Variants in SASS6 observed in about 807,000 individuals in gnomAD.
SASS6 encodes the protein spindle assembly abnormal protein 6 homolog.
Under a neutral mutation model 94.9 loss-of-function variants are expected in SASS6, and 59 were observed. The ratio of observed to expected loss-of-function variants is 0.62; its 90% CI spans 0.50 to 0.77. The LOEUF is 0.77. SASS6 is among the 30% of genes least tolerant of loss of function. The pLI is 0.00. For missense variants in SASS6, 698 were observed against 734.1 expected (o/e 0.95, Z 0.57); for synonymous variants, 264 against 270.0 (o/e 0.98, Z 0.22).
At chr1:100,086,661 C>CCA (rs1651300747) in intron 15 of SASS6, among the ~76,000 whole-genome samples, 1 of 151,798 alleles carries the variant, frequency 6.6e-6, no homozygotes, top group Admixed American at 6.6e-5. Context: ...CAAGCATGTA[C>CCA]CACCATGTCT....
Position 100,108,325 on chromosome 1 carries a change from G to C in SASS6, c.862-321C>G, listed in dbSNP as rs189481597. Among the ~76,000 whole-genome samples, 1,269 of 152,044 alleles carry C rather than the reference G, an allele frequency of 8.3e-3. 11 individuals carry two copies. The highest frequency in any genetic ancestry group is 0.013 in the Non-Finnish European group (903 of 67,916). ...CACAACTGATTCCAAGGGTAACCAC[G>C]GGTGAGAGCCGCCACAATGTAGACT... is the stretch of plus-strand genomic sequence containing the variant. On this transcript the variant is annotated intron_variant, in intron 8 of 16. Transcript: ENST00000287482.
At chr1:100,094,708 A>T (rs114469102) in intron 14 of SASS6, among the ~76,000 whole-genome samples, 6,716 of 152,100 alleles carry the variant, frequency 0.044, 174 homozygotes, top group African/African-American at 0.06. Flanking sequence ...CTCTATTAAA[A>T]ATACAAAAAT....
chr1:100,098,068 C>T (rs2101650309), intron 14 of SASS6, among the ~76,000 whole-genome samples: 1 of 152,176 alleles, frequency 6.6e-6, no homozygotes, highest in South Asian at 2.1e-4. Context: ...TTGAACTAAT[C>T]TTAAAGTGGA....
At chr1:100,100,654 CCA>C (rs1288881471) in intron 14 of SASS6, among the ~76,000 whole-genome samples, 6 of 152,070 alleles carry the variant, frequency 3.9e-5, no homozygotes, top group Non-Finnish European at 7.4e-5. Flanking sequence ...TTTTACATTC[CCA>C]CAGTTAAACA....
chr1:100,132,906 A>T lies in SASS6; in HGVS notation c.-92T>A. Reference sequence around the variant, plus strand: ...GAGGTCCGGGTCCTGATAAAGTTTGAGTTTGGCGCTCGGCTTCTGCGGAGG... The same window carrying T: ...GAGGTCCGGGTCCTGATAAAGTTTGTGTTTGGCGCTCGGCTTCTGCGGAGG... On this transcript the variant is annotated 5_prime_UTR_variant, in exon 1 of 17. Transcript: ENST00000287482. The T allele has an allele frequency of 1.6e-6, 2 of 1,274,384 alleles. No individual in the cohort carries two copies. Among genetic ancestry groups the T allele is most frequent in the Non-Finnish European group, 1.1e-6 (1 of 886,218 alleles). 78.9% of individuals were successfully genotyped at this position (1,274,384 alleles called of 1,614,324 possible).
rs1217323498 is a variant in SASS6 at position 100,103,006 on chromosome 1, G to GA, written c.1622dup (p.His543SerfsTer20). Reference sequence around the variant, plus strand: ...TATTTTTGGCAGATATCGAATGAGGGAAGGTATTCTGGAATGCAAATGCAG... The same window carrying GA: ...TATTTTTGGCAGATATCGAATGAGGGAAAGGTATTCTGGAATGCAAATGCAG... On this transcript the variant is annotated frameshift_variant, in exon 14 of 17. Transcript: ENST00000287482. LOFTEE classifies it high-confidence loss of function. The GA allele has an allele frequency of 6.2e-7, 1 of 1,610,920 alleles. No individual in the cohort carries two copies. Among genetic ancestry groups the GA allele is most frequent in the Non-Finnish European group, 8.5e-7 (1 of 1,177,190 alleles).
intron 1 of SASS6, among the ~76,000 whole-genome samples, chr1:100,128,069 C>G (rs1375442156): frequency 2.6e-5 from 4 of 151,894 alleles, no homozygotes; most frequent in African/African-American, 4.8e-5. Context: ...CAGAGTTTCG[C>G]TCTGTCACCC....
chr1:100,112,967 T>G (rs1031331813), intron 7 of SASS6, among the ~76,000 whole-genome samples: 2 of 152,160 alleles, frequency 1.3e-5, no homozygotes, highest in African/African-American at 4.8e-5. Context: ...GTTGACCTGG[T>G]TTTAAAGTCC....
intron 7 of SASS6, among the ~76,000 whole-genome samples, chr1:100,112,839 C>T (rs568338964): frequency 7.0e-4 from 107 of 152,292 alleles, no homozygotes; most frequent in Middle Eastern, 3.4e-3. Flanking sequence ...ACTCCACCCC[C>T]GACTAACTGT....
intron 6 of SASS6, among the ~76,000 whole-genome samples, chr1:100,120,096 A>G (rs903114543): frequency 6.6e-6 from 1 of 152,250 alleles, no homozygotes; most frequent in Non-Finnish European, 1.5e-5. Context: ...AATGAGGCGA[A>G]CAAGTGGGGA....
intron 7 of SASS6, 142 bp downstream of exon 7, chr1:100,118,876 T>C (rs1157022088): frequency 2.2e-6 from 1 of 458,594 alleles, no homozygotes; most frequent in Non-Finnish European, 3.6e-6. Context: ...TAGTAAGACT[T>C]TGAAAGAGAG....
chr1:100,105,523 T>A (rs2101660225), intron 13 of SASS6, among the ~76,000 whole-genome samples: 1 of 150,988 alleles, frequency 6.6e-6, no homozygotes, highest in East Asian at 1.9e-4. Flanking sequence ...CGAGACTCCA[T>A]CTCAAAAAAA....
At position 100,088,161 on chromosome 1, in the gene SASS6, G is replaced by T; in HGVS notation, c.1750C>A (p.Pro584Thr). Residue 584 changes from proline to threonine, a missense_variant, in exon 15 of 17, where the codon CCT (proline) becomes ACT (threonine). Pro to Thr is a conservative substitution (Grantham distance 38). Coordinates refer to ENST00000287482, the MANE Select transcript of SASS6 (RefSeq NM_194292.3). ...TACTTTTCCTTATCAGTTGAGCAAGGCATACTAATAGTTGCTCCTGACTGA... is the reference window on the plus strand; with the variant it reads ...TACTTTTCCTTATCAGTTGAGCAAGTCATACTAATAGTTGCTCCTGACTGA... Reference protein sequence around the residue: ...DVQSGATISMPCSTDKENGEN... With the variant: ...DVQSGATISMTCSTDKENGEN... 2 of 1,591,438 alleles carry T rather than the reference G, an allele frequency of 1.3e-6. No individual in the cohort carries two copies. Among genetic ancestry groups the T allele is most frequent in the Non-Finnish European group, 1.7e-6 (2 of 1,159,966 alleles).
chr1:100,114,639 G>A (rs990992463), intron 7 of SASS6, among the ~76,000 whole-genome samples: 2 of 152,150 alleles, frequency 1.3e-5, no homozygotes, highest in African/African-American at 4.8e-5. Context: ...GGTCACTTGA[G>A]CCCGGAAGGC....
Position 100,121,550 on chromosome 1 carries a change from C to T in SASS6, c.312-1G>A, listed in dbSNP as rs1175715319. The T allele has an allele frequency of 6.4e-7, 1 of 1,551,466 alleles. No homozygotes were observed. The highest frequency in any genetic ancestry group is 8.8e-7 in the Non-Finnish European group (1 of 1,134,688). The stretch of plus-strand genomic sequence containing the variant: ...TGGAGAAACTAACTGTAGCAAAAAC[C>T]TTTGAAAAGAAAATGTTACATTATA... On this transcript the variant is annotated splice_acceptor_variant, in intron 4 of 16. Coordinates refer to ENST00000287482, the MANE Select transcript of SASS6 (RefSeq NM_194292.3). LOFTEE classifies it high-confidence loss of function.
In SASS6 at chr1:100,107,887, A is replaced by G. The variant is rs750376405; in HGVS notation, c.979T>C (p.Leu327=). The G allele has an allele frequency of 1.1e-5, 18 of 1,612,750 alleles. No homozygotes were observed. The highest frequency in any genetic ancestry group is 1.4e-5 in the Non-Finnish European group (16 of 1,179,088). The part of the protein sequence containing the change: ...VNQLQTKVAV[L]EQEIKDKDQL... ...TCCTTATCCTTGATTTCCTGTTCTA[A>G]AACTGCCACTTTTGTTTGTAGCTGA... Residue 327 remains leucine, a synonymous_variant, in exon 9 of 17, where the codon TTA becomes CTA. Transcript: ENST00000287482.
chr1:100,107,293 A>G, intron 11 of SASS6, 81 bp downstream of exon 11: 1 of 846,908 alleles, frequency 1.2e-6, no homozygotes, highest in Non-Finnish European at 1.9e-6. Flanking sequence ...GACCAAAGCC[A>G]TTTGTTAATG....
intron 11 of SASS6, among the ~76,000 whole-genome samples, 171 bp downstream of exon 11, chr1:100,107,200 CATG>C (rs1011102224): frequency 5.9e-5 from 9 of 151,640 alleles, no homozygotes; most frequent in African/African-American, 1.7e-4. Flanking sequence ...GTATCTGAAT[CATG>C]ATAACTAACT....
intron 7 of SASS6, among the ~76,000 whole-genome samples, chr1:100,115,543 T>C (rs918145369): frequency 3.9e-5 from 6 of 152,142 alleles, no homozygotes; most frequent in African/African-American, 1.4e-4. Flanking sequence ...GTGATAAAGG[T>C]AGTACCAGGC....
Sources: allele counts gnomAD v4.1 joint callset (sites outside exome capture counted in the v4.1 genomes callset), GRCh38; gene constraint gnomAD v4.1.1; transcripts MANE v1.5; gene names NCBI Gene and HGNC (gene_info 2026-07-23, HGNC 2026-07-21).